Variants in ROBO2 observed in about 807,000 individuals in gnomAD.
ROBO2 encodes the protein roundabout homolog 2.
ROBO2 carries 53 observed loss-of-function variants against 160.8 expected under a neutral mutation model. The ratio of observed to expected loss-of-function variants is 0.33; its 90% CI spans 0.26 to 0.41. The LOEUF (loss-of-function observed/expected upper bound fraction) is 0.41, where lower values mean the gene tolerates loss of function less well. ROBO2 is among the 10% of genes least tolerant of loss of function. The probability of loss-of-function intolerance (pLI) is 1.00; values close to 1 mark genes in which losing one functional copy is unlikely to be tolerated. For missense variants in ROBO2, 1,577 were observed against 1,722.4 expected (o/e 0.92, Z 1.49); for synonymous variants, 664 against 611.7 (o/e 1.09, Z -1.26).
intron 2 of ROBO2, among the ~76,000 whole-genome samples, chr3:76,961,973 C>T (rs142373915): frequency 6.6e-6 from 1 of 152,242 alleles, no homozygotes; most frequent in Non-Finnish European, 1.5e-5. Flanking sequence ...CCAAGGCAAG[C>T]AGACCACTTG....
intron 2 of ROBO2, among the ~76,000 whole-genome samples, chr3:76,622,265 A>AGAAAGAAAGAAG (rs2089243011): frequency 6.0e-5 from 4 of 66,266 alleles, no homozygotes; most frequent in Non-Finnish European, 1.3e-4. Context: ...AAAGAAAGAA[A>AGAAAGAAAGAAG]GAAAGAAAGA....
intron 2 of ROBO2, among the ~76,000 whole-genome samples, chr3:76,117,812 GT>G (rs1407876600): frequency 1.3e-5 from 2 of 152,102 alleles, no homozygotes; most frequent in African/African-American, 2.4e-5. Flanking sequence ...TATCATATAT[GT>G]TTTATAAGTT....
chr3:76,673,891 C>G (rs1327778884), intron 2 of ROBO2, among the ~76,000 whole-genome samples: 1 of 151,992 alleles, frequency 6.6e-6, no homozygotes, highest in Non-Finnish European at 1.5e-5. Flanking sequence ...TCAATATAAC[C>G]TATTTATTAG....
At chr3:76,824,376 C>T (rs73123357) in intron 2 of ROBO2, among the ~76,000 whole-genome samples, 19,147 of 152,134 alleles carry the variant, frequency 0.13, 1,324 homozygotes, top group East Asian at 0.24. Flanking sequence ...GGATTATAGG[C>T]GGGGGCCACA....
chr3:76,038,764 CTGCGTG>C (rs746463950), intron 2 of ROBO2, among the ~76,000 whole-genome samples: 1 of 107,724 alleles, frequency 9.3e-6, no homozygotes, highest in African/African-American at 5.4e-5. Flanking sequence ...ACATGGAAAA[CTGCGTG>C]TGTGTGTGTG....
At chr3:76,457,379 C>G (rs920280840) in intron 2 of ROBO2, among the ~76,000 whole-genome samples, 1 of 152,216 alleles carries the variant, frequency 6.6e-6, no homozygotes, top group Non-Finnish European at 1.5e-5. Flanking sequence ...CCAAAAGGAT[C>G]TCTTTTGACT....
intron 2 of ROBO2, among the ~76,000 whole-genome samples, chr3:77,352,683 T>G (rs1347178350): frequency 6.6e-6 from 1 of 152,198 alleles, no homozygotes; most frequent in Non-Finnish European, 1.5e-5. Context: ...TCATCTTAGT[T>G]TTTTGCCTTC....
chr3:75,940,424 T>G (rs4487249), intron 2 of ROBO2, among the ~76,000 whole-genome samples: 80,968 of 151,840 alleles, frequency 0.53, 22,070 homozygotes, highest in African/African-American at 0.66. Flanking sequence ...CAATGATCCT[T>G]GTCAATTTTT....
intron 2 of ROBO2, among the ~76,000 whole-genome samples, chr3:76,696,668 G>A (rs967764748): frequency 6.6e-6 from 1 of 152,136 alleles, no homozygotes; most frequent in Non-Finnish European, 1.5e-5. Context: ...ATAACTTCTT[G>A]TTTGTGCATC....
chr3:75,916,850 A>T (rs1215813226), intron 1 of ROBO2, among the ~76,000 whole-genome samples: 1 of 151,724 alleles, frequency 6.6e-6, no homozygotes, highest in Non-Finnish European at 1.5e-5. Flanking sequence ...TTATTATGCA[A>T]AACACCTCTA....
intron 2 of ROBO2, among the ~76,000 whole-genome samples, chr3:76,126,731 A>G (rs1448490813): frequency 6.6e-6 from 1 of 152,172 alleles, no homozygotes; most frequent in Non-Finnish European, 1.5e-5. Flanking sequence ...GGAATACAGT[A>G]TCATGTTCAA....
chr3:76,386,340 TCCC>T (rs2076884148), intron 2 of ROBO2, among the ~76,000 whole-genome samples: 1 of 47,598 alleles, frequency 2.1e-5, no homozygotes, highest in Non-Finnish European at 4.5e-5. Flanking sequence ...CCTCCCTCCC[TCCC>T]TCCCTCCCTC....
chr3:76,900,879 A>T (rs551800328), intron 2 of ROBO2, among the ~76,000 whole-genome samples: 2 of 152,330 alleles, frequency 1.3e-5, no homozygotes, highest in South Asian at 4.1e-4. Context: ...GGTGTTTTAC[A>T]GCAGCTCTGC....
intron 2 of ROBO2, among the ~76,000 whole-genome samples, chr3:76,336,856 G>T (rs1297946303): frequency 2.6e-5 from 4 of 152,098 alleles, no homozygotes; most frequent in Admixed American, 2.0e-4. Flanking sequence ...ATAAGATTTT[G>T]TTTTATGAAC....
At chr3:76,727,491 A>G (rs2093570731) in intron 2 of ROBO2, among the ~76,000 whole-genome samples, 1 of 152,166 alleles carries the variant, frequency 6.6e-6, no homozygotes, top group Non-Finnish European at 1.5e-5. Context: ...CCTAATATGT[A>G]TTAGACTCTA....
chr3:77,425,924 A>C (rs934060964), intron 2 of ROBO2, among the ~76,000 whole-genome samples: 2 of 151,988 alleles, frequency 1.3e-5, no homozygotes, highest in South Asian at 4.1e-4. Context: ...CAGCCTCCCA[A>C]AGTGCTGGGA....
At chr3:77,196,028 G>A (rs945491973) in intron 2 of ROBO2, among the ~76,000 whole-genome samples, 2 of 152,182 alleles carry the variant, frequency 1.3e-5, no homozygotes, top group Non-Finnish European at 2.9e-5. Flanking sequence ...GGACTAGGGG[G>A]CATCATCTGC....
chr3:77,374,908 C>G (rs1409267640), intron 2 of ROBO2, among the ~76,000 whole-genome samples: 4 of 152,126 alleles, frequency 2.6e-5, no homozygotes, highest in Admixed American at 6.6e-5. Flanking sequence ...TCTTTCAGTA[C>G]AATAAGATAT....
In ROBO2 at chr3:76,161,326, C is replaced by T. The variant is rs112718286; in HGVS notation, c.109+223724C>T. 1.2e-3 allele frequency among the ~76,000 whole-genome samples: 180 copies of T among 152,200 alleles called. 1 individual carries two copies. The highest frequency in any genetic ancestry group is 4.0e-3 in the African/African-American group (165 of 41,560). ...TAAATGTCCTTAATGTGTTTATTCT[C>T]GAGCTATTTTTGTGTCTTAGGGAAT... On this transcript the variant is annotated intron_variant, in intron 2 of 26. Transcript: ENST00000487694.
Sources: gnomAD v4.1 joint callset for allele counts (sites outside exome capture counted in the v4.1 genomes callset) on GRCh38, gnomAD v4.1.1 for gene constraint, MANE v1.5 for transcripts, NCBI Gene and HGNC (gene_info 2026-07-23, HGNC 2026-07-21) for gene names.